The following CRMP1 variants were observed in gnomAD, a reference collection of about 807,000 sequenced individuals.
CRMP1 encodes the protein collapsin response mediator protein 1.
CRMP1 carries 19 observed loss-of-function variants against 68.3 expected under a neutral mutation model. That is an observed-to-expected ratio of 0.28 (90% CI 0.19 to 0.41). The LOEUF (loss-of-function observed/expected upper bound fraction) is 0.41. Ranked by LOEUF, CRMP1 falls within the 10% of genes least tolerant of loss-of-function variation. The pLI, the probability that CRMP1 is intolerant of heterozygous loss-of-function variation, is 1.00. For missense variants in CRMP1, 791 were observed against 967.4 expected (o/e 0.82, Z 2.42); for synonymous variants, 439 against 399.6 (o/e 1.10, Z -1.18).
chr4:5,863,372 G>C (rs529519572), intron 2 of CRMP1, among the ~76,000 whole-genome samples: 18 of 152,160 alleles, frequency 1.2e-4, no homozygotes, highest in Non-Finnish European at 1.3e-4. Flanking sequence ...CACACAGCAA[G>C]TCAGTGATGG....
At chr4:5,876,031 T>C (rs1714803576) in intron 1 of CRMP1, among the ~76,000 whole-genome samples, 1 of 151,724 alleles carries the variant, frequency 6.6e-6, no homozygotes, top group African/African-American at 2.4e-5. Context: ...CAGGCGCCTG[T>C]AGTCCCAGCT....
Position 5,888,737 on chromosome 4 carries a change from T to G in CRMP1, c.381+3852A>C. 2 of 628,508 alleles carry G rather than the reference T, an allele frequency of 3.2e-6. No individual in the cohort carries two copies. The highest frequency in any genetic ancestry group is 4.0e-6 in the Non-Finnish European group (2 of 504,354). 38.9% of individuals were successfully genotyped at this position (628,508 alleles called of 1,614,324 possible). On this transcript the variant is annotated intron_variant, in intron 1 of 13. Coordinates refer to ENST00000324989, the MANE Select transcript of CRMP1 (RefSeq NM_001014809.3). The surrounding 1 kb of genome is among the most constrained non-coding windows in gnomAD (Gnocchi z 6.4). ...GAGAGTATGGTTTTCAGGGCTCCTT[T>G]AAAAGAAAAAGACGGCGCGGTCAGG...
In CRMP1 at chr4:5,843,535, C is replaced by T. The variant is rs2152460709; in HGVS notation, c.964-374G>A. ...TGGTGTTTGGGTACAACATGGATAT[C>T]TTCAACTAGGAATCCTACTCTAGTC... is the stretch of plus-strand genomic sequence containing the variant. On this transcript the variant is annotated intron_variant, in intron 6 of 13. Coordinates refer to ENST00000324989, the MANE Select transcript of CRMP1 (RefSeq NM_001014809.3). The surrounding 1 kb of genome is among the most constrained non-coding windows in gnomAD (Gnocchi z 4.1). Among the ~76,000 whole-genome samples, 1 of 152,252 alleles carries T rather than the reference C, an allele frequency of 6.6e-6. No homozygotes were observed. The highest frequency in any genetic ancestry group is 2.4e-5 in the African/African-American group (1 of 41,552).
At chr4:5,846,875 A>T (rs1712257388) in intron 6 of CRMP1, among the ~76,000 whole-genome samples, 1 of 144,990 alleles carries the variant, frequency 6.9e-6, no homozygotes, top group African/African-American at 2.6e-5. Flanking sequence ...TTGGCCTCCC[A>T]AATTGCTGGG....
chr4:5,841,436 C>G lies in CRMP1; in HGVS notation c.1033-8G>C, dbSNP rs41269567. On this transcript the variant is annotated splice_region_variant and splice_polypyrimidine_tract_variant and intron_variant, in intron 7 of 13. Transcript: ENST00000324989. The surrounding 1 kb of genome is among the most constrained non-coding windows in gnomAD (Gnocchi z 6.9). ...CACCGCCTCGGCCTCCAGCTGAACA[C>G]GGCACACACAGTGTCACAGGAGGGA... The G allele has an allele frequency of 1.2e-6, 2 of 1,613,708 alleles. No individual in the cohort carries two copies. The highest frequency in any genetic ancestry group is 2.7e-5 in the African/African-American group (2 of 74,896).
chr4:5,868,662 A>C lies in CRMP1; in HGVS notation c.382-1906T>G, dbSNP rs367695737. ...TACTCCATCTTAGGGATACATAATA[A>C]ATTGTTTAATATTTCCCCCATTGTT... On this transcript the variant is annotated intron_variant, in intron 1 of 13. Coordinates refer to ENST00000324989, the MANE Select transcript of CRMP1 (RefSeq NM_001014809.3). Among the ~76,000 whole-genome samples, 7 of 152,130 alleles carry C rather than the reference A, an allele frequency of 4.6e-5. No homozygotes were observed. The East Asian group carries it at 1.4e-3, about 30-fold the overall frequency.
chr4:5,828,399 T>G, intron 12 of CRMP1, 90 bp downstream of exon 12: 1 of 1,507,148 alleles, frequency 6.6e-7, no homozygotes, highest in Non-Finnish European at 8.9e-7. Flanking sequence ...ATGACATTAT[T>G]AACTCTGCAC....
rs1715870302 is a variant in CRMP1 at position 5,890,082 on chromosome 4, G to A, written c.381+2507C>T. On this transcript the variant is annotated intron_variant, in intron 1 of 13. Coordinates refer to ENST00000324989, the MANE Select transcript of CRMP1 (RefSeq NM_001014809.3). The surrounding 1 kb of genome is among the most constrained non-coding windows in gnomAD (Gnocchi z 5.5). ...ATTCATGCATCCCTGGCTCTCAGCG[G>A]GGCCTAAAATCCCTGTCAATGACCG... 1 of 356,646 alleles carries A rather than the reference G, an allele frequency of 2.8e-6. No individual in the cohort carries two copies. Among genetic ancestry groups the A allele is most frequent in the African/African-American group, 2.1e-5 (1 of 47,078 alleles). 22.1% of individuals were successfully genotyped at this position (356,646 alleles called of 1,614,324 possible).
intron 2 of CRMP1, among the ~76,000 whole-genome samples, chr4:5,863,050 G>T (rs1469427390): frequency 1.3e-5 from 2 of 151,800 alleles, no homozygotes; most frequent in African/African-American, 4.8e-5. Context: ...TGAGCTCAAG[G>T]AGTCCTCCTG....
chr4:5,824,496 CTCTCTT>C, intron 13 of CRMP1: 2 of 985,328 alleles, frequency 2.0e-6, no homozygotes, highest in African/African-American at 1.7e-5. Flanking sequence ...CTCTCTCTCT[CTCTCTT>C]TGCCCCTTCC....
chr4:5,836,098 C>A lies in CRMP1; in HGVS notation c.1453-13G>T, dbSNP rs1207445825. 1.4e-6 allele frequency: 2 copies of A among 1,471,368 alleles called. No homozygotes were observed. Among genetic ancestry groups the A allele is most frequent in the Non-Finnish European group, 1.8e-6 (2 of 1,111,840 alleles). The allele number at this position is 1,471,368 out of a possible 1,614,324, so 91.1% of individuals were successfully genotyped here. A position where few individuals can be genotyped will look rare whatever the true frequency, so the allele number is the denominator to read the frequency against. On this transcript the variant is annotated splice_polypyrimidine_tract_variant and intron_variant, in intron 10 of 13. Coordinates refer to ENST00000324989, the MANE Select transcript of CRMP1 (RefSeq NM_001014809.3). ...TTTTGCCAGTAGCCTACAGGCAAGA[C>A]CCACAGATGAGAAGAGCATCTCATA...
rs941364910 is a variant in CRMP1 at position 5,861,419 on chromosome 4, C to A, written c.471-209G>T. Among the ~76,000 whole-genome samples the A allele has an allele frequency of 1.3e-5, 2 of 152,150 alleles. No individual in the cohort carries two copies. Among genetic ancestry groups the A allele is most frequent in the Admixed American group, 6.5e-5 (1 of 15,280 alleles). ...AGACAGGTGGGCAGACTGTTAGAGC[C>A]CAGTATAGCAGAGATGATCGGGGGC... On this transcript the variant is annotated intron_variant, in intron 2 of 13. Coordinates refer to ENST00000324989, the MANE Select transcript of CRMP1 (RefSeq NM_001014809.3). The surrounding 1 kb of genome is among the most constrained non-coding windows in gnomAD (Gnocchi z 6.0).
rs1453284243 is a variant in CRMP1, at chr4:5,858,104, G to C, written c.656-1797C>G. 6.6e-6 allele frequency among the ~76,000 whole-genome samples: 1 copy of C among 152,110 alleles called. No homozygotes were observed. The highest frequency in any genetic ancestry group is 1.5e-5 in the Non-Finnish European group (1 of 68,036). On this transcript the variant is annotated intron_variant, in intron 3 of 13. Transcript: ENST00000324989. The surrounding 1 kb of genome is among the most constrained non-coding windows in gnomAD (Gnocchi z 5.5). ...GTCTCTTGGCCTCTCAGGGCACAGA[G>C]AGTCCCTCCCTCCTTCCTTAAACTC...
At chr4:5,829,038 T>TCTAGG (rs1720134967) in intron 11 of CRMP1, among the ~76,000 whole-genome samples, 3 of 138,712 alleles carry the variant, frequency 2.2e-5, no homozygotes, top group African/African-American at 8.8e-5. Flanking sequence ...AATTTTTTTC[T>TCTAGG]CTAGGTTTCT....
chr4:5,873,651 C>T (rs1019223167), intron 1 of CRMP1, among the ~76,000 whole-genome samples: 1 of 152,204 alleles, frequency 6.6e-6, no homozygotes, highest in African/African-American at 2.4e-5. Context: ...CCCAGTGATT[C>T]AATCACCTCC....
rs1302402554 is a variant in CRMP1 at position 5,853,327 on chromosome 4, C to A, written c.821-1858G>T. 2.0e-5 allele frequency among the ~76,000 whole-genome samples: 3 copies of A among 152,130 alleles called. No individual in the cohort carries two copies. The highest frequency in any genetic ancestry group is 7.2e-5 in the African/African-American group (3 of 41,430). ...ACTTGGGAGGCTGAGGGGGAAGAAT[C>A]ACTTTAACCTGGGAGGCAGTGAGCT... On this transcript the variant is annotated intron_variant, in intron 4 of 13. Coordinates refer to ENST00000324989, the MANE Select transcript of CRMP1 (RefSeq NM_001014809.3). This position sits in a 1 kb window ranked among gnomAD's most constrained non-coding sequence, Gnocchi z 4.7.
chr4:5,891,175 T>TACACACACACACACACAC lies in CRMP1; in HGVS notation c.381+1396_381+1413dup, dbSNP rs58583102. On this transcript the variant is annotated intron_variant, in intron 1 of 13. Transcript: ENST00000324989. This position sits in a 1 kb window ranked among gnomAD's most constrained non-coding sequence, Gnocchi z 5.2. ...TGATCACCCCACCACCACACACACA[T>TACACACACACACACACAC]ACACACACACACACACACACACACA... Among the ~76,000 whole-genome samples the TACACACACACACACACAC allele has an allele frequency of 9.6e-3, 1,273 of 132,000 alleles. 21 individuals are homozygous for TACACACACACACACACAC. Among genetic ancestry groups the TACACACACACACACACAC allele is most frequent in the South Asian group, 0.016 (59 of 3,644 alleles). The allele number at this position is 132,000 out of a possible 152,430, so 86.6% of individuals were successfully genotyped here.
rs1225326542 is a variant in CRMP1 at position 5,889,727 on chromosome 4, A to AG, written c.381+2861dup. ...TGCTTTCAAGTTGCCATCCAGAGCG[A>AG]GGGTGGCCTAGGCTTGGTACAGCTC... is the stretch of plus-strand genomic sequence containing the variant. On this transcript the variant is annotated intron_variant, in intron 1 of 13. Coordinates refer to ENST00000324989, the MANE Select transcript of CRMP1 (RefSeq NM_001014809.3). This position sits in a 1 kb window ranked among gnomAD's most constrained non-coding sequence, Gnocchi z 4.5. The AG allele has an allele frequency of 2.0e-6, 3 of 1,535,706 alleles. No individual in the cohort carries two copies. In the African/African-American group the frequency reaches 4.1e-5, roughly 21 times the overall value.
chr4:5,877,270 G>A lies in CRMP1; in HGVS notation c.382-10514C>T, dbSNP rs1303089346. On this transcript the variant is annotated intron_variant, in intron 1 of 13. Transcript: ENST00000324989. The surrounding 1 kb of genome is among the most constrained non-coding windows in gnomAD (Gnocchi z 4.3). Reference sequence around the variant, plus strand: ...TTGCTGTAAGGCACAGAGTCTAGAGGGGGTGTTTGTTAGGCAGCATCATCG... The same window carrying A: ...TTGCTGTAAGGCACAGAGTCTAGAGAGGGTGTTTGTTAGGCAGCATCATCG... 6.6e-6 allele frequency among the ~76,000 whole-genome samples: 1 copy of A among 152,332 alleles called. No homozygotes were observed. The highest frequency in any genetic ancestry group is 1.5e-5 in the Non-Finnish European group (1 of 68,036).
Sources: allele counts gnomAD v4.1 joint callset (sites outside exome capture counted in the v4.1 genomes callset), GRCh38; gene constraint gnomAD v4.1.1; non-coding constraint Gnocchi (gnomAD v3.1); transcripts MANE v1.5; gene names NCBI Gene and HGNC (gene_info 2026-07-23, HGNC 2026-07-21).